ADARB2: variants seen among roughly 807,000 people sequenced by gnomAD.
ADARB2 encodes the protein adenosine deaminase RNA specific B2 (inactive).
In ADARB2, 25 loss-of-function variants were observed where a neutral mutation model predicts 62.2. The observed-to-expected ratio is 0.40, with a 90% CI of 0.29 to 0.56. The LOEUF (loss-of-function observed/expected upper bound fraction) is 0.56. ADARB2 is among the 20% of genes least tolerant of loss of function. ADARB2 has a pLI of 0.43. For synonymous variants in ADARB2, 572 were observed against 500.8 expected, an observed-to-expected ratio of 1.14 and a Z score of -1.90; for missense variants, 1,071 against 1,077.4, an observed-to-expected ratio of 0.99 and a Z score of 0.08.
At chr10:1,455,364 C>G (rs1354158415) in intron 1 of ADARB2, among the ~76,000 whole-genome samples, 1 of 152,126 alleles carries the variant, frequency 6.6e-6, no homozygotes, top group Non-Finnish European at 1.5e-5. Context: ...TTAGGAAATA[C>G]AGACTTCCTA....
Position 1,726,733 on chromosome 10 carries a change from G to A in ADARB2, c.100+10318C>T, listed in dbSNP as rs573918967. ...GGCCCTGGGCAGTGCCTGGCTCTCCGTAGATGGGGAGCTGGGGACCTGCTT... is the reference window on the plus strand; with the variant it reads ...GGCCCTGGGCAGTGCCTGGCTCTCCATAGATGGGGAGCTGGGGACCTGCTT... On this transcript the variant is annotated intron_variant, in intron 1 of 9. Transcript: ENST00000381312. Among the ~76,000 whole-genome samples the A allele has an allele frequency of 7.2e-5, 11 of 152,320 alleles. No individual in the cohort carries two copies. In the East Asian group the frequency reaches 1.4e-3, roughly 19 times the overall value.
chr10:1,407,264 C>T (rs967617192), intron 1 of ADARB2, among the ~76,000 whole-genome samples: 26 of 152,166 alleles, frequency 1.7e-4, no homozygotes, highest in African/African-American at 5.3e-4. Context: ...GGAAGCAGGA[C>T]GATGACCTGC....
intron 1 of ADARB2, among the ~76,000 whole-genome samples, chr10:1,497,870 G>A (rs1564308474): frequency 6.6e-6 from 1 of 152,108 alleles, no homozygotes; most frequent in Non-Finnish European, 1.5e-5. Flanking sequence ...AGGTGGAGAT[G>A]ACTTCCTGGA....
intron 1 of ADARB2, among the ~76,000 whole-genome samples, chr10:1,595,681 G>T (rs1470725873): frequency 1.3e-5 from 2 of 152,212 alleles, no homozygotes; most frequent in Non-Finnish European, 2.9e-5. Context: ...AGACCAGAGA[G>T]AAGTATTCTG....
intron 3 of ADARB2, among the ~76,000 whole-genome samples, chr10:1,353,487 T>A (rs1832164231): frequency 6.6e-6 from 1 of 152,114 alleles, no homozygotes. Context: ...CCTGAAGAAC[T>A]CATTTACTTT....
Position 1,658,245 on chromosome 10 carries a change from T to C in ADARB2, c.100+78806A>G, listed in dbSNP as rs141036111. Among the ~76,000 whole-genome samples the C allele has an allele frequency of 4.2e-3, 643 of 152,106 alleles. 11 individuals are homozygous for C. Among genetic ancestry groups the C allele is most frequent in the African/African-American group, 0.015 (611 of 41,496 alleles). ...CTATCTGATTCTCTCTCTCTCTGTATGTCTCTCTGTCTGATTCTCTCTGTT... is the reference window on the plus strand; with the variant it reads ...CTATCTGATTCTCTCTCTCTCTGTACGTCTCTCTGTCTGATTCTCTCTGTT... On this transcript the variant is annotated intron_variant, in intron 1 of 9. Coordinates refer to ENST00000381312, the MANE Select transcript of ADARB2 (RefSeq NM_018702.4).
At chr10:1,392,312 C>G (rs1053867189) in intron 1 of ADARB2, among the ~76,000 whole-genome samples, 1 of 152,236 alleles carries the variant, frequency 6.6e-6, no homozygotes, top group Non-Finnish European at 1.5e-5. Context: ...CTCTTGGTGC[C>G]CTCAGGCTAC....
intron 3 of ADARB2, among the ~76,000 whole-genome samples, chr10:1,311,147 A>G (rs1345280459): frequency 6.6e-6 from 1 of 152,294 alleles, no homozygotes; most frequent in East Asian, 1.9e-4. Context: ...TTGCCTTTAA[A>G]CAGTTGTGTG....
At chr10:1,674,610 G>A (rs996538513) in intron 1 of ADARB2, among the ~76,000 whole-genome samples, 9 of 152,164 alleles carry the variant, frequency 5.9e-5, no homozygotes, top group Non-Finnish European at 8.8e-5. Context: ...GTTGTGTTGC[G>A]GTTGGGAGGT....
At chr10:1,219,980 T>C (rs1477861880) in intron 6 of ADARB2, among the ~76,000 whole-genome samples, 3 of 128,318 alleles carry the variant, frequency 2.3e-5, no homozygotes, top group African/African-American at 6.2e-5. Context: ...ATGATGGTGA[T>C]GGTGGTGATG....
intron 1 of ADARB2, among the ~76,000 whole-genome samples, chr10:1,501,384 C>T (rs925786855): frequency 1.3e-5 from 2 of 152,176 alleles, no homozygotes; most frequent in Admixed American, 6.5e-5. Flanking sequence ...CAGCATTCTC[C>T]TCAATGTGCC....
intron 1 of ADARB2, among the ~76,000 whole-genome samples, chr10:1,388,523 T>C (rs938267437): frequency 6.6e-6 from 1 of 152,054 alleles, no homozygotes; most frequent in African/African-American, 2.4e-5. Flanking sequence ...TTCAGCAAGG[T>C]CACAGGACAG....
intron 4 of ADARB2, among the ~76,000 whole-genome samples, chr10:1,258,678 T>TAA: frequency 6.6e-6 from 1 of 152,276 alleles, no homozygotes; most frequent in South Asian, 2.1e-4. Flanking sequence ...CAAAGAGACT[T>TAA]AGACTCCCCA....
At chr10:1,315,183 G>C (rs938041087) in intron 3 of ADARB2, among the ~76,000 whole-genome samples, 1 of 152,184 alleles carries the variant, frequency 6.6e-6, no homozygotes, top group Non-Finnish European at 1.5e-5. Flanking sequence ...TCCCCTCAGC[G>C]GGGTGGGGGC....
intron 2 of ADARB2, among the ~76,000 whole-genome samples, chr10:1,370,503 G>A (rs565653493): frequency 6.6e-6 from 1 of 152,310 alleles, no homozygotes; most frequent in Admixed American, 6.5e-5. Context: ...AAGAGGAAGT[G>A]AAACTATCTC....
In ADARB2 at chr10:1,293,912, A is replaced by T. The variant is rs1039820277; in HGVS notation, c.1078-22843T>A. Among the ~76,000 whole-genome samples, 5 of 152,064 alleles carry T rather than the reference A, an allele frequency of 3.3e-5. No individual in the cohort carries two copies. In the East Asian group the frequency reaches 9.7e-4, roughly 29 times the overall value. On this transcript the variant is annotated intron_variant, in intron 3 of 9. Transcript: ENST00000381312. ...CACTGATGCCTCTCGGAGTGTCGGCAGGGCAATGTCTTTCTCGCAGCAGAA... is the reference window on the plus strand; with the variant it reads ...CACTGATGCCTCTCGGAGTGTCGGCTGGGCAATGTCTTTCTCGCAGCAGAA...
At chr10:1,327,020 GGCACAGCGCCTCCCCACT>G (rs1831862623) in intron 3 of ADARB2, among the ~76,000 whole-genome samples, 1 of 10,620 alleles carries the variant, frequency 9.4e-5, no homozygotes, top group Non-Finnish European at 1.8e-4. Flanking sequence ...GCCTCCCCAC[GGCACAGCGCCTCCCCACT>G]GCCCAGCGCC....
At chr10:1,215,111 T>G (rs1837216034) in intron 7 of ADARB2, among the ~76,000 whole-genome samples, 1 of 152,150 alleles carries the variant, frequency 6.6e-6, no homozygotes, top group Non-Finnish European at 1.5e-5. Flanking sequence ...CTGGGCCCTG[T>G]GTCCCCTGAT....
intron 1 of ADARB2, among the ~76,000 whole-genome samples, chr10:1,703,310 G>T (rs1366534885): frequency 6.6e-6 from 1 of 152,184 alleles, no homozygotes; most frequent in Non-Finnish European, 1.5e-5. Context: ...TGACATTTTA[G>T]CGTACTTCTA....
Sources: gnomAD v4.1 joint callset for allele counts (sites outside exome capture counted in the v4.1 genomes callset) on GRCh38, gnomAD v4.1.1 for gene constraint, MANE v1.5 for transcripts, NCBI Gene and HGNC (gene_info 2026-07-23, HGNC 2026-07-21) for gene names.